Variants in LSM12 observed in about 807,000 individuals in gnomAD.
LSM12 encodes the protein protein LSM12.
For missense variants in LSM12, 108 were observed against 238.9 expected (o/e 0.45, Z 3.61); for synonymous variants, 74 against 87.3 (o/e 0.85, Z 0.85).
chr17:44,041,322 C>CAA (rs2049489326), intron 2 of LSM12, among the ~76,000 whole-genome samples: 1 of 144,808 alleles, frequency 6.9e-6, no homozygotes, highest in Non-Finnish European at 1.5e-5. Flanking sequence ...CACACACACA[C>CAA]ACACACACAC....
intron 2 of LSM12, among the ~76,000 whole-genome samples, chr17:44,059,396 C>G (rs895648809): frequency 7.2e-5 from 11 of 152,126 alleles, no homozygotes; most frequent in African/African-American, 2.7e-4. Flanking sequence ...CAAGGCCAGC[C>G]TGGTCAACAC....
Position 44,041,334 on chromosome 17 carries a change from A to AAC in LSM12, c.259-1080_259-1079dup, listed in dbSNP as rs1389054042. ...ACACACACACACACACACACACACA[A>AAC]ACACACACACACACACAGAATTTCC... is the stretch of plus-strand genomic sequence containing the variant. On this transcript the variant is annotated intron_variant, in intron 2 of 4. Coordinates refer to ENST00000293406, the MANE Select transcript of LSM12 (RefSeq NM_001371445.1). Among the ~76,000 whole-genome samples the AAC allele has an allele frequency of 8.8e-3, 913 of 104,292 alleles. 5 individuals are homozygous for AAC. The highest frequency in any genetic ancestry group is 0.017 in the Middle Eastern group (3 of 172). 68.4% of individuals were successfully genotyped at this position (104,292 alleles called of 152,430 possible).
In LSM12 at chr17:44,063,825, G is replaced by C. The variant is rs144774734; in HGVS notation, c.234C>G (p.Pro78=). 6.2e-7 allele frequency: 1 copy of C among 1,613,886 alleles called. No individual in the cohort carries two copies. Among genetic ancestry groups the C allele is most frequent in the South Asian group, 1.1e-5 (1 of 91,066 alleles). The change falls in exon 2 of 5, where the codon CCC becomes CCG. Residue 78 remains proline, a synonymous_variant. Transcript: ENST00000293406. ...IINDRTETPP[P]LASLNVSKLA... Reference sequence around the variant, plus strand: ...CCTTACTAACATTGAGTGAAGCTAGGGGAGGAGGGGTTTCTGTTCGGTCAT... The same window carrying C: ...CCTTACTAACATTGAGTGAAGCTAGCGGAGGAGGGGTTTCTGTTCGGTCAT...
At chr17:44,044,364 T>C (rs750579179) in intron 2 of LSM12, among the ~76,000 whole-genome samples, 5 of 146,828 alleles carry the variant, frequency 3.4e-5, no homozygotes, top group South Asian at 2.1e-4. Flanking sequence ...AAAATACCAG[T>C]TGTGCAAGTG....
At chr17:44,059,647 G>A (rs917080283) in intron 2 of LSM12, among the ~76,000 whole-genome samples, 5 of 152,204 alleles carry the variant, frequency 3.3e-5, no homozygotes, top group Non-Finnish European at 7.3e-5. Context: ...TTCTTAGCCT[G>A]AAGTGAACTA....
intron 3 of LSM12, among the ~76,000 whole-genome samples, chr17:44,037,947 A>G (rs2049436585): frequency 1.3e-5 from 2 of 152,216 alleles, no homozygotes. Context: ...GAGTTCTGCC[A>G]TAGTTGTACA....
At chr17:44,058,140 G>A (rs960654430) in intron 2 of LSM12, among the ~76,000 whole-genome samples, 19 of 151,972 alleles carry the variant, frequency 1.3e-4, no homozygotes, top group Admixed American at 9.8e-4. Context: ...GGGAGGCTGA[G>A]GCAGGAGAAT....
chr17:44,040,323 C>G (rs2049471455), intron 2 of LSM12, 67 bp from the exon 3 acceptor site: 1 of 1,229,160 alleles, frequency 8.1e-7, no homozygotes, highest in East Asian at 2.4e-5. Context: ...CAGTCAGGAC[C>G]TAAGCTGAAG....
chr17:44,053,901 A>G (rs2049677420), intron 2 of LSM12, among the ~76,000 whole-genome samples: 1 of 152,048 alleles, frequency 6.6e-6, no homozygotes, highest in Admixed American at 6.6e-5. Context: ...CTGCCAGAAA[A>G]AGTTTTAGTT....
chr17:44,035,676 GCAAAAAAAA>G lies in LSM12; in HGVS notation c.*523_*531del, dbSNP rs2049406392. 2.0e-4 allele frequency: 1 copy of G among 5,116 alleles called. No individual in the cohort carries two copies. Among genetic ancestry groups the G allele is most frequent in the African/African-American group, 6.3e-4 (1 of 1,592 alleles). 0.3% of individuals were successfully genotyped at this position (5,116 alleles called of 1,614,324 possible). On this transcript the variant is annotated 3_prime_UTR_variant, in exon 5 of 5. Transcript: ENST00000293406. ...AAAACTAATTCAAGCCATGCCCTGT[GCAAAAAAAA>G]AAAAAAAAAGAAAAAAGAAAAAAAA...
intron 2 of LSM12, among the ~76,000 whole-genome samples, chr17:44,051,229 A>AC (rs1488586999): frequency 6.6e-6 from 1 of 151,886 alleles, no homozygotes; most frequent in East Asian, 1.9e-4. Flanking sequence ...ATATGGTAAA[A>AC]CCCCGTCTCT....
At chr17:44,054,587 T>C (rs1597892975) in intron 2 of LSM12, among the ~76,000 whole-genome samples, 1 of 152,116 alleles carries the variant, frequency 6.6e-6, no homozygotes, top group South Asian at 2.1e-4. Flanking sequence ...ACTACAGGTG[T>C]GAGTCACCAC....
At chr17:44,039,575 G>T in intron 3 of LSM12, among the ~76,000 whole-genome samples, 1 of 148,810 alleles carries the variant, frequency 6.7e-6, no homozygotes, top group East Asian at 2.0e-4. Flanking sequence ...TAGAGACGGG[G>T]TTTCACCTTG....
chr17:44,065,158 C>CG (rs980468355), intron 1 of LSM12, among the ~76,000 whole-genome samples: 1 of 151,570 alleles, frequency 6.6e-6, no homozygotes, highest in African/African-American at 2.4e-5. Flanking sequence ...AAAAAAAAGC[C>CG]GGGCGGTGGC....
Position 44,035,690 on chromosome 17 carries a change from A to AG in LSM12, c.*517_*518insC, listed in dbSNP as rs1322494601. The AG allele has an allele frequency of 3.5e-5, 5 of 141,500 alleles. No individual in the cohort carries two copies. The highest frequency in any genetic ancestry group is 2.2e-4 in the East Asian group (1 of 4,586). 8.8% of individuals were successfully genotyped at this position (141,500 alleles called of 1,614,324 possible). A position where few individuals can be genotyped will look rare whatever the true frequency, so the allele number is the denominator to read the frequency against. ...CCATGCCCTGTGCAAAAAAAAAAAAAAAAAGAAAAAAGAAAAAAAAAGGAA... is the reference window on the plus strand; with the variant it reads ...CCATGCCCTGTGCAAAAAAAAAAAAAGAAAAGAAAAAAGAAAAAAAAAGGAA... On this transcript the variant is annotated 3_prime_UTR_variant, in exon 5 of 5. Coordinates refer to ENST00000293406, the MANE Select transcript of LSM12 (RefSeq NM_001371445.1).
chr17:44,055,507 CAAAAAAAA>C (rs893366294), intron 2 of LSM12, among the ~76,000 whole-genome samples: 4 of 65,000 alleles, frequency 6.2e-5, no homozygotes, highest in East Asian at 2.7e-4. Flanking sequence ...ACCAAAAATA[CAAAAAAAA>C]AAAAAAAAAA....
At chr17:44,055,481 G>A (rs1430525966) in intron 2 of LSM12, among the ~76,000 whole-genome samples, 4 of 143,144 alleles carry the variant, frequency 2.8e-5, no homozygotes, top group Non-Finnish European at 6.0e-5. Flanking sequence ...AGGCAACATG[G>A]TGAAGCCCCG....
rs1243484174 is a variant in LSM12, at chr17:44,037,399, C to G, written c.495+13G>C. ...TCCTCTCTCCCCTAAAGTCTGAAGG[C>G]TCCTTTACTTACTATTTTGCGTACA... On this transcript the variant is annotated intron_variant, in intron 4 of 4. Transcript: ENST00000293406. 3 of 1,581,988 alleles carry G rather than the reference C, an allele frequency of 1.9e-6. No individual in the cohort carries two copies. In the East Asian group the frequency reaches 6.8e-5, roughly 36 times the overall value.
At chr17:44,037,304 T>C (rs2285750) in intron 4 of LSM12, 108 bp downstream of exon 4, 201,230 of 1,332,068 alleles carry the variant, frequency 0.15, 24,970 homozygotes, top group East Asian at 0.73. Flanking sequence ...GGGCCTCTGC[T>C]GCTAGAGGAG....
Sources: allele counts gnomAD v4.1 joint callset (sites outside exome capture counted in the v4.1 genomes callset), GRCh38; gene constraint gnomAD v4.1.1; transcripts MANE v1.5; gene names NCBI Gene and HGNC (gene_info 2026-07-23, HGNC 2026-07-21).